Variants in HS3ST4 observed in about 807,000 individuals in gnomAD.
HS3ST4 encodes heparan sulfate glucosamine 3-O-sulfotransferase 4.
A neutral mutation model predicts 29.2 loss-of-function variants in HS3ST4; 17 were observed. The observed-to-expected ratio is 0.58, with a 90% CI of 0.40 to 0.87. The LOEUF (loss-of-function observed/expected upper bound fraction) is 0.87, where lower values mean the gene tolerates loss of function less well. Among genes scored for constraint, HS3ST4 ranks in the 40% least tolerant of loss-of-function variants. The probability of loss-of-function intolerance (pLI) is 0.00; values close to 1 mark genes in which losing one functional copy is unlikely to be tolerated. For synonymous variants in HS3ST4, 314 were observed against 285.7 expected, an observed-to-expected ratio of 1.10 and a Z score of -1.00; for missense variants, 627 against 634.5, an observed-to-expected ratio of 0.99 and a Z score of 0.13.
intron 1 of HS3ST4, among the ~76,000 whole-genome samples, chr16:26,070,275 T>C (rs1898587092): frequency 6.6e-6 from 1 of 152,208 alleles, no homozygotes. Context: ...GATATGTCAT[T>C]GTGGTTTTGA....
At chr16:26,134,977 T>C (rs1898260497) in intron 1 of HS3ST4, among the ~76,000 whole-genome samples, 1 of 152,200 alleles carries the variant, frequency 6.6e-6, no homozygotes, top group Non-Finnish European at 1.5e-5. Context: ...TTGAATTCTA[T>C]ATAATTTTCA....
intron 1 of HS3ST4, among the ~76,000 whole-genome samples, chr16:25,784,586 T>C (rs1966855688): frequency 6.6e-6 from 1 of 152,212 alleles, no homozygotes; most frequent in Non-Finnish European, 1.5e-5. Flanking sequence ...TTCTTTTAAG[T>C]CAAAGTCTAA....
intron 1 of HS3ST4, among the ~76,000 whole-genome samples, chr16:25,778,005 A>G (rs1301279368): frequency 6.6e-6 from 1 of 152,048 alleles, no homozygotes; most frequent in Non-Finnish European, 1.5e-5. Flanking sequence ...AATTGGAAAT[A>G]GTGTTTGATT....
intron 1 of HS3ST4, among the ~76,000 whole-genome samples, chr16:26,088,102 C>A (rs1596676324): frequency 1.3e-5 from 2 of 152,184 alleles, no homozygotes; most frequent in Non-Finnish European, 2.9e-5. Context: ...CCTGCCTCCA[C>A]ATTCTTGTCT....
At chr16:25,819,774 C>T (rs958725774) in intron 1 of HS3ST4, among the ~76,000 whole-genome samples, 2 of 151,802 alleles carry the variant, frequency 1.3e-5, no homozygotes, top group Non-Finnish European at 2.9e-5. Context: ...TTTTCCGGGA[C>T]TGGAATCCCG....
In HS3ST4 at chr16:25,692,868, A is replaced by T. The variant is rs549884552; in HGVS notation, c.451A>T (p.Thr151Ser). Residue 151 changes from threonine to serine, a missense_variant, in exon 1 of 2, where the codon ACG (threonine) becomes TCG (serine). By Grantham distance (58) the Thr-to-Ser change is moderately conservative. Around this residue, in one of 2 missense-constraint regions of HS3ST4, gnomAD observed 402 missense variants for 340.8 expected, o/e 1.18. Transcript: ENST00000331351. The part of the protein sequence containing the change: ...RTPLAPSEMI[T>S]AQSALPEREA... ...CCCGCTGGCCCCCAGCGAGATGATC[A>T]CGGCTCAGAGCGCGCTGCCGGAGAG... 3.4e-4 allele frequency: 517 copies of T among 1,518,570 alleles called. 1 individual carries two copies. The highest frequency in any genetic ancestry group is 4.5e-4 in the Non-Finnish European group (505 of 1,132,932). 94.1% of individuals were successfully genotyped at this position (1,518,570 alleles called of 1,614,324 possible). A position where few individuals can be genotyped will look rare whatever the true frequency, so the allele number is the denominator to read the frequency against.
Position 26,085,688 on chromosome 16 carries a change from T to C in HS3ST4, c.735-49924T>C, listed in dbSNP as rs549649502. ...GACTTCAAGACCAGCCTGGGCAACA[T>C]AGCGAGACCCTGTCTCTACAAAAAT... On this transcript the variant is annotated intron_variant, in intron 1 of 1. Transcript: ENST00000331351. 3.3e-5 allele frequency among the ~76,000 whole-genome samples: 5 copies of C among 151,984 alleles called. No individual in the cohort carries two copies. The South Asian group carries it at 1.0e-3, about 32-fold the overall frequency.
At chr16:26,018,385 G>C (rs1969380985) in intron 1 of HS3ST4, among the ~76,000 whole-genome samples, 1 of 152,170 alleles carries the variant, frequency 6.6e-6, no homozygotes, top group South Asian at 2.1e-4. Context: ...GACTGGTTGT[G>C]GGAATTCAGA....
chr16:25,750,897 G>A (rs533192131), intron 1 of HS3ST4, among the ~76,000 whole-genome samples: 40 of 152,136 alleles, frequency 2.6e-4, no homozygotes, highest in Non-Finnish European at 4.7e-4. Context: ...AGTTCCCTCC[G>A]CAGCATTTGA....
chr16:25,709,924 A>G (rs1966404629), intron 1 of HS3ST4, among the ~76,000 whole-genome samples: 1 of 152,188 alleles, frequency 6.6e-6, no homozygotes. Context: ...AATTCTTCAA[A>G]TAGCAAGTGA....
chr16:25,964,211 A>G (rs1163158278), intron 1 of HS3ST4, among the ~76,000 whole-genome samples: 1 of 151,586 alleles, frequency 6.6e-6, no homozygotes, highest in Admixed American at 6.6e-5. Context: ...AATGGGAAAA[A>G]TAGATACTGG....
chr16:25,717,793 G>A (rs186418569), intron 1 of HS3ST4, among the ~76,000 whole-genome samples: 1 of 152,174 alleles, frequency 6.6e-6, no homozygotes, highest in East Asian at 1.9e-4. Context: ...GGGGTGGCAC[G>A]TTCAGGCATA....
At chr16:25,973,898 T>C (rs1374756191) in intron 1 of HS3ST4, among the ~76,000 whole-genome samples, 3 of 152,210 alleles carry the variant, frequency 2.0e-5, no homozygotes, top group Non-Finnish European at 2.9e-5. Flanking sequence ...AACACTCTGC[T>C]ATAGTGTCCA....
At chr16:25,860,976 G>A (rs1967630852) in intron 1 of HS3ST4, among the ~76,000 whole-genome samples, 1 of 152,120 alleles carries the variant, frequency 6.6e-6, no homozygotes, top group African/African-American at 2.4e-5. Flanking sequence ...GGACGGGGAG[G>A]ATATGGGAAA....
At chr16:26,095,069 C>A (rs543313889) in intron 1 of HS3ST4, among the ~76,000 whole-genome samples, 3 of 152,294 alleles carry the variant, frequency 2.0e-5, no homozygotes, top group African/African-American at 7.2e-5. Context: ...AGCTAAGTAT[C>A]CTAAATATAT....
chr16:25,889,175 T>C (rs1190213184), intron 1 of HS3ST4, among the ~76,000 whole-genome samples: 1 of 152,208 alleles, frequency 6.6e-6, no homozygotes, highest in Non-Finnish European at 1.5e-5. Flanking sequence ...TGGGGAGTGC[T>C]CCGCAGCAGA....
At chr16:26,003,789 T>C (rs1969232566) in intron 1 of HS3ST4, among the ~76,000 whole-genome samples, 1 of 152,124 alleles carries the variant, frequency 6.6e-6, no homozygotes, top group Non-Finnish European at 1.5e-5. Context: ...GAAGGTGGGC[T>C]GGAGTCGGGG....
chr16:25,754,552 A>G lies in HS3ST4; in HGVS notation c.734+61401A>G, dbSNP rs555468538. 1.9e-3 allele frequency among the ~76,000 whole-genome samples: 296 copies of G among 152,174 alleles called. 1 individual carries two copies. Among genetic ancestry groups the G allele is most frequent in the South Asian group, 5.0e-3 (24 of 4,806 alleles). On this transcript the variant is annotated intron_variant, in intron 1 of 1. Transcript: ENST00000331351. ...CAAGACTCGGTAATCTATAAAGGAAAGGGGTTTTAATTGACTCACAATTCT... is the reference window on the plus strand; with the variant it reads ...CAAGACTCGGTAATCTATAAAGGAAGGGGGTTTTAATTGACTCACAATTCT...
At chr16:26,010,690 G>A (rs1040031192) in intron 1 of HS3ST4, among the ~76,000 whole-genome samples, 2 of 152,054 alleles carry the variant, frequency 1.3e-5, no homozygotes, top group Non-Finnish European at 2.9e-5. Flanking sequence ...GATGTTCTGC[G>A]TAGCACTTAG....
Sources: allele counts gnomAD v4.1 joint callset (sites outside exome capture counted in the v4.1 genomes callset), GRCh38; gene constraint gnomAD v4.1.1; regional missense constraint gnomAD v4.1.1; transcripts MANE v1.5; gene names NCBI Gene and HGNC (gene_info 2026-07-23, HGNC 2026-07-21).